The following GFI1B variants were observed in gnomAD, a reference collection of about 807,000 sequenced individuals.
GFI1B encodes zinc finger protein Gfi-1b.
A neutral mutation model predicts 35.3 loss-of-function variants in GFI1B; 20 were observed. The ratio of observed to expected loss-of-function variants is 0.57; its 90% CI spans 0.40 to 0.82. GFI1B has a LOEUF of 0.82. Ranked by LOEUF, GFI1B falls within the 40% of genes least tolerant of loss-of-function variation. GFI1B has a pLI of 0.00. For missense variants in GFI1B, 430 were observed against 446.3 expected (o/e 0.96, Z 0.33); for synonymous variants, 178 against 177.6 (o/e 1.00, Z -0.02).
At chr9:132,953,618 T>C in intron 1 of GFI1B, 1 of 151,642 alleles carries the variant, frequency 6.6e-6, no homozygotes, top group Non-Finnish European at 1.5e-5. Context: ...GGCACCACTG[T>C]ACTCCAGCCT....
chr9:132,969,429 G>A (rs575697186), intron 1 of GFI1B, among the ~76,000 whole-genome samples: 3 of 152,284 alleles, frequency 2.0e-5, no homozygotes, highest in East Asian at 1.9e-4. Context: ...TAACGTCCTC[G>A]GGGTTCATCC....
intron 2 of GFI1B, 91 bp downstream of exon 2, chr9:132,986,869 G>A: frequency 1.3e-6 from 1 of 780,948 alleles, no homozygotes; most frequent in Non-Finnish European, 2.2e-6. Flanking sequence ...TCCTGCAGCA[G>A]CCTCTTCTTC....
intron 1 of GFI1B, among the ~76,000 whole-genome samples, chr9:132,961,566 C>T (rs1468719814): frequency 2.0e-5 from 3 of 151,824 alleles, no homozygotes; most frequent in Non-Finnish European, 4.4e-5. Flanking sequence ...TCCTCCTGTC[C>T]TATCAGATTG....
chr9:132,955,268 G>A (rs1848265755), intron 1 of GFI1B, among the ~76,000 whole-genome samples: 1 of 151,916 alleles, frequency 6.6e-6, no homozygotes, highest in African/African-American at 2.4e-5. Context: ...AGAATTCTAG[G>A]TTGATGGTTT....
chr9:132,974,032 C>T (rs996756088), upstream of GFI1B, among the ~76,000 whole-genome samples: 2 of 152,160 alleles, frequency 1.3e-5, no homozygotes, highest in Non-Finnish European at 2.9e-5. Flanking sequence ...CACTGGGGTT[C>T]CTAGGCCCAG....
chr9:132,986,451 C>T (rs1424687384), intron 1 of GFI1B, among the ~76,000 whole-genome samples: 5 of 152,276 alleles, frequency 3.3e-5, no homozygotes, highest in South Asian at 2.1e-4. Flanking sequence ...CATCCTAACC[C>T]GGAATGACCT....
intron 1 of GFI1B, among the ~76,000 whole-genome samples, chr9:132,965,855 T>C (rs1199404172): frequency 6.6e-6 from 1 of 152,244 alleles, no homozygotes; most frequent in Admixed American, 6.5e-5. Context: ...ATGTAATTGC[T>C]ATAGTGTCCA....
chr9:132,992,995 C>CA (rs1286788441), downstream of GFI1B, among the ~76,000 whole-genome samples: 1 of 138,236 alleles, frequency 7.2e-6, no homozygotes, highest in Non-Finnish European at 1.5e-5. Context: ...AGAGGTCAAA[C>CA]ATAAAAAAAA....
At chr9:132,986,818 G>T in intron 2 of GFI1B, 40 bp downstream of exon 2, 1 of 1,244,798 alleles carries the variant, frequency 8.0e-7, no homozygotes, top group Non-Finnish European at 1.2e-6. Context: ...GCACCCACGG[G>T]GGGCTCTCTG....
chr9:132,989,760 CGCATGTGCG>C lies in GFI1B; in HGVS notation c.671_679del (p.Met224_Gly226del), dbSNP rs1339551839. The C allele has an allele frequency of 6.2e-7, 1 of 1,613,982 alleles. No homozygotes were observed. Among genetic ancestry groups the C allele is most frequent in the African/African-American group, 1.3e-5 (1 of 74,940 alleles). On this transcript the variant is annotated inframe_deletion, in exon 6 of 7. Coordinates refer to ENST00000372122, the MANE Select transcript of GFI1B (RefSeq NM_001377304.1). This position sits in a 1 kb window ranked among gnomAD's most constrained non-coding sequence, Gnocchi z 6.2. ...CCGGCAGGAGCGCAGCTTCGAGTGCCGCATGTGCGGCAAGGCCTTCAAGCGCTCGTCCAC... is the reference window on the plus strand; with the variant it reads ...CCGGCAGGAGCGCAGCTTCGAGTGCCGCAAGGCCTTCAAGCGCTCGTCCAC...
Position 132,979,246 on chromosome 9 carries a change from C to CTTTTT in GFI1B, c.-21+429_-21+433dup, listed in dbSNP as rs34125755. 7.1e-3 allele frequency among the ~76,000 whole-genome samples: 680 copies of CTTTTT among 95,588 alleles called. 50 individuals carry two copies. Among genetic ancestry groups the CTTTTT allele is most frequent in the East Asian group, 0.021 (74 of 3,586 alleles). The allele number at this position is 95,588 out of a possible 152,430, so 62.7% of individuals were successfully genotyped here. ...GGACTTGACTAAAGTTCCTGGGACACTTTTTTTTTTTTTTTTTTTTTTTTT... is the reference window on the plus strand; with the variant it reads ...GGACTTGACTAAAGTTCCTGGGACACTTTTTTTTTTTTTTTTTTTTTTTTTTTTTT... On this transcript the variant is annotated intron_variant, in intron 1 of 6. Transcript: ENST00000372122.
At chr9:132,982,778 G>A (rs1202647725) in intron 1 of GFI1B, among the ~76,000 whole-genome samples, 1 of 152,134 alleles carries the variant, frequency 6.6e-6, no homozygotes, top group Non-Finnish European at 1.5e-5. Flanking sequence ...TGAGCCAGAG[G>A]GCTTGGCCGT....
chr9:132,958,470 G>A (rs1848316853), intron 1 of GFI1B, among the ~76,000 whole-genome samples: 1 of 152,188 alleles, frequency 6.6e-6, no homozygotes. Flanking sequence ...GAAAGCAAGA[G>A]CAAGAAAGAG....
chr9:132,988,676 G>A (rs1849172628), intron 4 of GFI1B, among the ~76,000 whole-genome samples: 1 of 152,206 alleles, frequency 6.6e-6, no homozygotes, highest in Non-Finnish European at 1.5e-5. Flanking sequence ...GAGTGCCAGA[G>A]TCAGATGAAA....
At chr9:132,974,209 C>T (rs1181839968), upstream of GFI1B, among the ~76,000 whole-genome samples, 1 of 152,198 alleles carries the variant, frequency 6.6e-6, no homozygotes, top group Admixed American at 6.5e-5. Flanking sequence ...CCTGGAGAGT[C>T]TAAGCCCTGA....
Position 132,987,359 on chromosome 9 carries a change from C to T in GFI1B, c.178C>T (p.Leu60Phe), listed in dbSNP as rs149810016. 1.3e-5 allele frequency: 21 copies of T among 1,614,152 alleles called. No individual in the cohort carries two copies. In the African/African-American group the frequency reaches 1.7e-4, roughly 13 times the overall value. The change falls in exon 3 of 7, where the codon CTC becomes TTC. Residue 60 changes from leucine (L) to phenylalanine (F), a missense_variant. Leu to Phe is a conservative substitution (Grantham distance 22). Transcript: ENST00000372122. Reference sequence around the variant, plus strand: ...AAACCAGTGCCTGGACTGGACCAACCTCAAACGAGAGCCGGAGCTGGAGCA... The same window carrying T: ...AAACCAGTGCCTGGACTGGACCAACTTCAAACGAGAGCCGGAGCTGGAGCA... ...FPNQCLDWTNLKREPELEQDQ... is the reference protein window; with the variant it reads ...FPNQCLDWTNFKREPELEQDQ...
chr9:132,972,549 C>A (rs1848547812), intron 1 of GFI1B, among the ~76,000 whole-genome samples: 1 of 152,110 alleles, frequency 6.6e-6, no homozygotes, highest in South Asian at 2.1e-4. Flanking sequence ...ATGATGGAGC[C>A]ACTGCACTCC....
chr9:132,975,568 A>T (rs1259373643), upstream of GFI1B, among the ~76,000 whole-genome samples: 3 of 152,158 alleles, frequency 2.0e-5, no homozygotes, highest in Non-Finnish European at 4.4e-5. Flanking sequence ...CCCAAATTGT[A>T]AATTTCAGGT....
At chr9:132,967,356 C>A (rs1455514057) in intron 1 of GFI1B, among the ~76,000 whole-genome samples, 1 of 152,118 alleles carries the variant, frequency 6.6e-6, no homozygotes, top group Non-Finnish European at 1.5e-5. Flanking sequence ...GGCACCATGA[C>A]AAAACAATGA....
Sources: allele counts gnomAD v4.1 joint callset (sites outside exome capture counted in the v4.1 genomes callset), GRCh38; gene constraint gnomAD v4.1.1; non-coding constraint Gnocchi (gnomAD v3.1); transcripts MANE v1.5; gene names NCBI Gene and HGNC (gene_info 2026-07-23, HGNC 2026-07-21).